The following CTCF variants were observed in gnomAD, a reference collection of about 807,000 sequenced individuals.
The protein encoded by CTCF is transcriptional repressor CTCF.
In CTCF, 7 loss-of-function variants were observed where a neutral mutation model predicts 72.3. The ratio of observed to expected loss-of-function variants is 0.10; its 90% confidence interval spans 0.06 to 0.18. The LOEUF is 0.18. CTCF is among the 10% of genes least tolerant of loss of function. The probability of loss-of-function intolerance (pLI) is 1.00; values close to 1 mark genes in which losing one functional copy is unlikely to be tolerated. For synonymous variants in CTCF, 374 were observed against 315.8 expected (o/e 1.18, Z -1.95); for missense variants, 516 against 949.1 (o/e 0.54, Z 6.00).
intron 2 of CTCF, among the ~76,000 whole-genome samples, chr16:67,585,176 A>C (rs2051653149): frequency 6.6e-6 from 1 of 152,148 alleles, no homozygotes; most frequent in Non-Finnish European, 1.5e-5. Flanking sequence ...CAGCCTCCCA[A>C]GTAGCTGGGA....
At chr16:67,565,384 A>G (rs1221428974) in intron 1 of CTCF, among the ~76,000 whole-genome samples, 4 of 150,962 alleles carry the variant, frequency 2.6e-5, no homozygotes, top group Non-Finnish European at 5.9e-5. Flanking sequence ...CCTATTTAAG[A>G]GTAGTTGTGG....
At chr16:67,565,673 C>CAAAAAA (rs201956341) in intron 1 of CTCF, among the ~76,000 whole-genome samples, 1 of 62,104 alleles carries the variant, frequency 1.6e-5, no homozygotes, top group African/African-American at 5.3e-5. Context: ...ACTCTTATCT[C>CAAAAAA]AAAAAAAAAA....
chr16:67,634,550 A>C, intron 10 of CTCF, among the ~76,000 whole-genome samples: 2 of 124,832 alleles, frequency 1.6e-5, no homozygotes, highest in African/African-American at 3.2e-5. Context: ...ACAGGATCTC[A>C]CTGTATCACC....
intron 1 of CTCF, among the ~76,000 whole-genome samples, chr16:67,565,979 T>G (rs949621487): frequency 2.0e-5 from 3 of 152,176 alleles, no homozygotes; most frequent in South Asian, 2.1e-4. Context: ...CTTTTTTTGC[T>G]TCAGGGATGC....
At chr16:67,607,890 G>T (rs1403338575) in intron 2 of CTCF, among the ~76,000 whole-genome samples, 1 of 151,334 alleles carries the variant, frequency 6.6e-6, no homozygotes, top group African/African-American at 2.4e-5. Flanking sequence ...GTGGTGGTGG[G>T]CACCTGTAAT....
intron 1 of CTCF, among the ~76,000 whole-genome samples, chr16:67,566,087 C>T (rs192532592): frequency 7.3e-4 from 111 of 152,266 alleles, no homozygotes; most frequent in Admixed American, 3.1e-3. Flanking sequence ...TGTCTTGGCT[C>T]CAGATGACTT....
chr16:67,591,161 T>TG (rs1425918888), intron 2 of CTCF, among the ~76,000 whole-genome samples: 2 of 151,800 alleles, frequency 1.3e-5, no homozygotes, highest in African/African-American at 4.8e-5. Context: ...GTCGTGGTGA[T>TG]GCGTGCCTGT....
intron 2 of CTCF, among the ~76,000 whole-genome samples, chr16:67,604,078 C>A (rs1194010097): frequency 6.8e-6 from 1 of 147,520 alleles, no homozygotes; most frequent in Non-Finnish European, 1.5e-5. Context: ...TGCAATGAGC[C>A]ATGACCATTC....
chr16:67,638,124 A>G lies in CTCF; in HGVS notation c.*252A>G. 1 of 410,790 alleles carries G rather than the reference A, an allele frequency of 2.4e-6. No homozygotes were observed. The highest frequency in any genetic ancestry group is 3.9e-5 in the Admixed American group (1 of 25,642). The allele number at this position is 410,790 out of a possible 1,614,324, so 25.4% of individuals were successfully genotyped here. On this transcript the variant is annotated 3_prime_UTR_variant, in exon 12 of 12. Coordinates refer to ENST00000264010, the MANE Select transcript of CTCF (RefSeq NM_006565.4). ...CTGTGAAGTGCTGAGGACAGTGTTG[A>G]CAACTAACTCGTTTTCCTAGATGGA...
intron 9 of CTCF, among the ~76,000 whole-genome samples, chr16:67,629,023 G>T (rs1225117673): frequency 2.0e-5 from 3 of 151,462 alleles, no homozygotes; most frequent in South Asian, 2.1e-4. Context: ...CTGCACTCCA[G>T]CCTGGGCGAA....
At chr16:67,596,789 T>C (rs997240319) in intron 2 of CTCF, among the ~76,000 whole-genome samples, 3 of 151,994 alleles carry the variant, frequency 2.0e-5, no homozygotes, top group Admixed American at 1.3e-4. Flanking sequence ...GGTTTCACCG[T>C]GTTGGCCAGA....
chr16:67,629,745 C>CTTTTTTTTTTTTTTT (rs1567616725), intron 10 of CTCF, among the ~76,000 whole-genome samples: 5 of 85,030 alleles, frequency 5.9e-5, no homozygotes, highest in South Asian at 4.0e-4. Context: ...TCATTAATGC[C>CTTTTTTTTTTTTTTT]CTTTTTTTTT....
At chr16:67,602,766 A>G (rs1045175341) in intron 2 of CTCF, among the ~76,000 whole-genome samples, 4 of 150,416 alleles carry the variant, frequency 2.7e-5, no homozygotes, top group African/African-American at 7.4e-5. Flanking sequence ...GCTTGAACCC[A>G]GGAGTCGGAG....
intron 2 of CTCF, among the ~76,000 whole-genome samples, chr16:67,602,991 A>G (rs1047574969): frequency 1.3e-5 from 2 of 152,150 alleles, no homozygotes; most frequent in Admixed American, 1.3e-4. Context: ...CTCAGACCAT[A>G]CTTTGAATAA....
At chr16:67,621,161 A>G (rs2052194345) in intron 6 of CTCF, 1 of 368,462 alleles carries the variant, frequency 2.7e-6, no homozygotes, top group Non-Finnish European at 4.9e-6. Context: ...CCTAAAAAGA[A>G]AAACTTGTGG....
chr16:67,618,568 A>G (rs769047466), intron 5 of CTCF, among the ~76,000 whole-genome samples: 1 of 152,268 alleles, frequency 6.6e-6, no homozygotes, highest in Non-Finnish European at 1.5e-5. Context: ...CGAATAAAGC[A>G]AGAAATGAAT....
intron 7 of CTCF, among the ~76,000 whole-genome samples, chr16:67,623,632 CAAA>C (rs577891033): frequency 1.2e-4 from 17 of 138,636 alleles, no homozygotes; most frequent in Non-Finnish European, 1.9e-4. Flanking sequence ...GACCCCATCT[CAAA>C]AAAAAAAAAG....
Position 67,616,667 on chromosome 16 carries a change from G to C in CTCF, c.953-78G>C, listed in dbSNP as rs573238043. ...TGAATAGGGTTCCAGTCTCATAGCAGTTCTGTGCCACACATTGAACTCTGT... is the reference window on the plus strand; with the variant it reads ...TGAATAGGGTTCCAGTCTCATAGCACTTCTGTGCCACACATTGAACTCTGT... On this transcript the variant is annotated intron_variant, in intron 4 of 11. Transcript: ENST00000264010. 4.2e-5 allele frequency: 64 copies of C among 1,534,708 alleles called. No individual in the cohort carries two copies. The East Asian group carries it at 1.1e-3, about 26-fold the overall frequency.
intron 5 of CTCF, among the ~76,000 whole-genome samples, chr16:67,617,758 A>G (rs1305963853): frequency 6.6e-6 from 1 of 152,200 alleles, no homozygotes; most frequent in Non-Finnish European, 1.5e-5. Context: ...TACCCAGAGC[A>G]TTTTAAAATG....
Sources: allele counts gnomAD v4.1 joint callset (sites outside exome capture counted in the v4.1 genomes callset), GRCh38; gene constraint gnomAD v4.1.1; transcripts MANE v1.5; gene names NCBI Gene and HGNC (gene_info 2026-07-23, HGNC 2026-07-21).